The following SLC39A8 variants were observed in gnomAD, a reference collection of about 807,000 sequenced individuals.
SLC39A8 encodes metal cation symporter ZIP8.
SLC39A8 carries 15 observed loss-of-function variants against 40.4 expected under a neutral mutation model. The ratio of observed to expected loss-of-function variants is 0.37; its 90% CI spans 0.25 to 0.57. The LOEUF is 0.57. Ranked by LOEUF, SLC39A8 falls within the 20% of genes least tolerant of loss-of-function variation. The pLI, the probability that SLC39A8 is intolerant of heterozygous loss-of-function variation, is 0.75. For synonymous variants in SLC39A8, 223 were observed against 221.6 expected (o/e 1.01, Z -0.06); for missense variants, 472 against 558.8 (o/e 0.84, Z 1.57).
chr4:102,328,810 G>A (rs1735326589), intron 2 of SLC39A8, among the ~76,000 whole-genome samples: 1 of 152,082 alleles, frequency 6.6e-6, no homozygotes, highest in Admixed American at 6.5e-5. Context: ...AGGATCACGA[G>A]GTCAGGAGAT....
intron 6 of SLC39A8, among the ~76,000 whole-genome samples, chr4:102,289,172 GT>G (rs1733312877): frequency 6.6e-6 from 1 of 151,992 alleles, no homozygotes; most frequent in South Asian, 2.1e-4. Context: ...CTTAATAATT[GT>G]GCTAAATTTA....
chr4:102,253,786 T>G (rs534927062), intron 11 of SLC39A8, among the ~76,000 whole-genome samples: 1 of 152,262 alleles, frequency 6.6e-6, no homozygotes, highest in South Asian at 2.1e-4. Context: ...TTTTCCCATA[T>G]GTATATGTTA....
exon 12 of SLC39A8, chr4:102,251,137 C>T (rs1157877158): frequency 1.3e-5 from 2 of 152,110 alleles, no homozygotes; most frequent in Non-Finnish European, 2.9e-5. Context: ...ATATGTGATG[C>T]ATATAATGTA....
rs1478222848 is a variant in SLC39A8, at chr4:102,319,106, C to T, written c.220-3276G>A. ...GCTAGGTATATATTACAAAAGAGAC[C>T]GCAAAGTATGCTCAAAACCGTTTCA... On this transcript the variant is annotated intron_variant, in intron 2 of 8. Transcript: ENST00000356736. Among the ~76,000 whole-genome samples the T allele has an allele frequency of 3.3e-5, 5 of 152,130 alleles. No individual in the cohort carries two copies. In the East Asian group the frequency reaches 5.8e-4, roughly 18 times the overall value.
exon 12 of SLC39A8, chr4:102,251,660 A>G (rs1731594823): frequency 6.6e-6 from 1 of 152,282 alleles, no homozygotes; most frequent in African/African-American, 2.4e-5. Context: ...GGATGCAGTG[A>G]GAGTCAATCG....
At chr4:102,293,768 A>G (rs1239778441) in intron 6 of SLC39A8, among the ~76,000 whole-genome samples, 1 of 152,012 alleles carries the variant, frequency 6.6e-6, no homozygotes, top group African/African-American at 2.4e-5. Context: ...TGCAATGTCA[A>G]TGAAAATCTC....
chr4:102,273,840 A>T (rs1732486767), intron 6 of SLC39A8, among the ~76,000 whole-genome samples: 1 of 152,104 alleles, frequency 6.6e-6, no homozygotes, highest in South Asian at 2.1e-4. Context: ...ACTCCAGAAG[A>T]CCTGCAGAAG....
chr4:102,264,235 AT>A (rs746474443), intron 8 of SLC39A8, among the ~76,000 whole-genome samples: 1 of 152,324 alleles, frequency 6.6e-6, no homozygotes, highest in East Asian at 1.9e-4. Flanking sequence ...CCATGGACTG[AT>A]CCATGGACTG....
At chr4:102,266,018 C>T (rs1732080530) in intron 8 of SLC39A8, among the ~76,000 whole-genome samples, 1 of 152,144 alleles carries the variant, frequency 6.6e-6, no homozygotes. Flanking sequence ...CTAGCTAATC[C>T]TAGTTTATTC....
chr4:102,272,540 C>T (rs149377526), intron 6 of SLC39A8, among the ~76,000 whole-genome samples: 19 of 152,216 alleles, frequency 1.2e-4, no homozygotes, highest in African/African-American at 4.1e-4. Context: ...GCTATGATTG[C>T]GCCACTGCAC....
intron 2 of SLC39A8, among the ~76,000 whole-genome samples, chr4:102,328,669 G>A (rs1323958824): frequency 2.0e-5 from 3 of 152,198 alleles, no homozygotes; most frequent in African/African-American, 4.8e-5. Flanking sequence ...AGGCTTTCCA[G>A]GTAAACCCAG....
At chr4:102,254,797 A>T (rs1051500375) in intron 11 of SLC39A8, among the ~76,000 whole-genome samples, 3 of 152,200 alleles carry the variant, frequency 2.0e-5, no homozygotes, top group Non-Finnish European at 4.4e-5. Context: ...CTTAAAAATC[A>T]TATGGTTCTA....
chr4:102,333,535 A>C (rs1420423626), intron 2 of SLC39A8, among the ~76,000 whole-genome samples: 3 of 152,232 alleles, frequency 2.0e-5, no homozygotes, highest in Admixed American at 1.3e-4. Context: ...AGCTTAGTTC[A>C]GTGAGCAGAT....
intron 6 of SLC39A8, among the ~76,000 whole-genome samples, chr4:102,282,292 T>C (rs911422153): frequency 2.6e-5 from 4 of 152,244 alleles, no homozygotes; most frequent in Admixed American, 2.6e-4. Context: ...ATATTAAAAG[T>C]ACATCTTCTC....
chr4:102,317,915 G>A (rs1734734297), intron 2 of SLC39A8, among the ~76,000 whole-genome samples: 1 of 152,084 alleles, frequency 6.6e-6, no homozygotes, highest in Non-Finnish European at 1.5e-5. Flanking sequence ...ACTTGCTAAG[G>A]CACAGTCTGC....
At chr4:102,258,411 G>A (rs1042314018), downstream of SLC39A8, among the ~76,000 whole-genome samples, 18 of 152,118 alleles carry the variant, frequency 1.2e-4, no homozygotes, top group Admixed American at 3.9e-4. Flanking sequence ...ACTTGGGGTG[G>A]CACAATGGCT....
intron 2 of SLC39A8, among the ~76,000 whole-genome samples, chr4:102,338,400 A>G (rs960498224): frequency 1.3e-5 from 2 of 151,928 alleles, no homozygotes; most frequent in Non-Finnish European, 2.9e-5. Context: ...GTTAACCAGG[A>G]TGGTCTCGAT....
intron 6 of SLC39A8, among the ~76,000 whole-genome samples, chr4:102,278,983 T>C (rs1180799663): frequency 1.4e-5 from 2 of 147,072 alleles, no homozygotes; most frequent in Non-Finnish European, 3.0e-5. Context: ...CATCACACAC[T>C]GGGGCCTGTT....
intron 6 of SLC39A8, among the ~76,000 whole-genome samples, chr4:102,299,334 G>A (rs1181016723): frequency 6.7e-6 from 1 of 149,576 alleles, no homozygotes; most frequent in African/African-American, 2.5e-5. Context: ...CCATTTTTCT[G>A]TGCAAAATGT....
Sources: allele counts gnomAD v4.1 joint callset (sites outside exome capture counted in the v4.1 genomes callset), GRCh38; gene constraint gnomAD v4.1.1; transcripts MANE v1.5; gene names NCBI Gene and HGNC (gene_info 2026-07-23, HGNC 2026-07-21).